Variants in SLC35D2 observed in about 807,000 individuals in gnomAD.
SLC35D2 encodes the protein solute carrier family 35 member D2.
SLC35D2 carries 43 observed loss-of-function variants against 41.8 expected under a neutral mutation model. That is an observed-to-expected ratio of 1.03 (90% CI 0.81 to 1.33). The LOEUF (loss-of-function observed/expected upper bound fraction) is 1.33. Ranked by LOEUF, SLC35D2 falls within the 40% of genes most tolerant of loss-of-function variation. The pLI is 0.00. For missense variants in SLC35D2, 380 were observed against 408.4 expected (o/e 0.93, Z 0.60); for synonymous variants, 150 against 163.9 (o/e 0.92, Z 0.65).
At chr9:96,322,180 T>C (rs1828269505) in intron 10 of SLC35D2, 100 bp from the exon 11 acceptor site, 1 of 756,516 alleles carries the variant, frequency 1.3e-6, no homozygotes, top group Non-Finnish European at 2.3e-6. Context: ...TTACTTTGCA[T>C]AGAGACTTGT....
intron 1 of SLC35D2, among the ~76,000 whole-genome samples, chr9:96,382,981 T>C (rs991063258): frequency 1.1e-4 from 16 of 151,828 alleles, no homozygotes; most frequent in African/African-American, 3.1e-4. Flanking sequence ...CAGCACAAAT[T>C]TGCGTTTACT....
At chr9:96,380,250 C>T (rs1001624304) in intron 1 of SLC35D2, among the ~76,000 whole-genome samples, 23 of 151,986 alleles carry the variant, frequency 1.5e-4, no homozygotes, top group African/African-American at 4.3e-4. Flanking sequence ...TGGTTAAACA[C>T]TGCCCTTCAT....
At chr9:96,323,560 A>C (rs1177815393) in intron 10 of SLC35D2, among the ~76,000 whole-genome samples, 1 of 152,002 alleles carries the variant, frequency 6.6e-6, no homozygotes, top group Non-Finnish European at 1.5e-5. Context: ...GCCACCCCCA[A>C]CTTAAAAGTT....
chr9:96,356,773 G>A (rs1564113030), intron 4 of SLC35D2, among the ~76,000 whole-genome samples: 1 of 150,786 alleles, frequency 6.6e-6, no homozygotes, highest in Non-Finnish European at 1.5e-5. Context: ...TACTTGGGAG[G>A]CTGAGGTGGG....
At chr9:96,318,345 C>A (rs1233609363), downstream of SLC35D2, among the ~76,000 whole-genome samples, 2 of 151,656 alleles carry the variant, frequency 1.3e-5, no homozygotes, top group African/African-American at 4.8e-5. Flanking sequence ...GTGGTCCCAG[C>A]TCCTCGGGAG....
chr9:96,357,188 AAAAT>A (rs1374354323), intron 4 of SLC35D2, among the ~76,000 whole-genome samples: 1 of 152,218 alleles, frequency 6.6e-6, no homozygotes, highest in Non-Finnish European at 1.5e-5. Flanking sequence ...CAAAAAATAA[AAAAT>A]AAATAAAGAT....
intron 8 of SLC35D2, among the ~76,000 whole-genome samples, chr9:96,342,179 C>T (rs1198563975): frequency 1.3e-5 from 2 of 151,830 alleles, no homozygotes; most frequent in African/African-American, 4.8e-5. Context: ...AGCGTGATCT[C>T]GGCTCACTGC....
chr9:96,340,644 A>C (rs925334885), intron 8 of SLC35D2, among the ~76,000 whole-genome samples: 8 of 150,654 alleles, frequency 5.3e-5, no homozygotes, highest in South Asian at 4.2e-4. Context: ...AAAAAAAAAA[A>C]AAAAAACTAG....
chr9:96,353,666 G>T (rs1482122826), intron 4 of SLC35D2, among the ~76,000 whole-genome samples: 1 of 152,156 alleles, frequency 6.6e-6, no homozygotes, highest in African/African-American at 2.4e-5. Flanking sequence ...ATTTAAAATT[G>T]TGTGTTAAAA....
chr9:96,379,831 A>T (rs1253856751), intron 1 of SLC35D2, among the ~76,000 whole-genome samples: 1 of 151,988 alleles, frequency 6.6e-6, no homozygotes, highest in African/African-American at 2.4e-5. Context: ...TGGCCTTCCT[A>T]TGGCAAGAAC....
chr9:96,321,251 C>G lies in SLC35D2; in HGVS notation c.1005G>C (p.Leu335Phe). ...PVGEENICLD[L>F]KS ...TCCTGCTGCAGACTCTTTAGCTCTT[C>G]AAATCCAAACAGATGTTTTCTTCAC... Residue 335 changes from leucine (L) to phenylalanine (F), a missense_variant, in exon 12 of 12, where the codon TTG (leucine) becomes TTC (phenylalanine). By Grantham distance (22) the Leu-to-Phe change is conservative. Transcript: ENST00000253270. 1 of 1,613,118 alleles carries G rather than the reference C, an allele frequency of 6.2e-7. No individual in the cohort carries two copies. The highest frequency in any genetic ancestry group is 8.5e-7 in the Non-Finnish European group (1 of 1,179,140).
chr9:96,363,854 G>A (rs573002654), intron 3 of SLC35D2, among the ~76,000 whole-genome samples: 1 of 152,298 alleles, frequency 6.6e-6, no homozygotes, highest in African/African-American at 2.4e-5. Context: ...ATAATTACAA[G>A]AGATGGTCTG....
chr9:96,369,011 C>T (rs35960821), intron 1 of SLC35D2, among the ~76,000 whole-genome samples: 3,864 of 152,176 alleles, frequency 0.025, 72 homozygotes, highest in Middle Eastern at 0.054. Flanking sequence ...ATGATCTGCC[C>T]GCCTTGGCCT....
chr9:96,381,508 A>G (rs914459913), intron 1 of SLC35D2, among the ~76,000 whole-genome samples: 1 of 152,020 alleles, frequency 6.6e-6, no homozygotes, highest in Admixed American at 6.6e-5. Flanking sequence ...CTTGGCTCCA[A>G]TGCCACCTCC....
intron 11 of SLC35D2, among the ~76,000 whole-genome samples, chr9:96,315,495 G>A (rs148078214): frequency 1.5e-3 from 227 of 149,622 alleles, no homozygotes; most frequent in African/African-American, 4.7e-3. Context: ...GTGCAGTGGC[G>A]CGATCTCAGC....
chr9:96,364,011 TAC>T (rs1243611375), intron 3 of SLC35D2, among the ~76,000 whole-genome samples: 4 of 152,304 alleles, frequency 2.6e-5, no homozygotes, highest in African/African-American at 4.8e-5. Flanking sequence ...CTAAATGATA[TAC>T]AGTCTTTATT....
chr9:96,347,089 T>C (rs1829613232), intron 6 of SLC35D2, among the ~76,000 whole-genome samples: 1 of 152,162 alleles, frequency 6.6e-6, no homozygotes, highest in Admixed American at 6.6e-5. Context: ...TGAGCCAAGA[T>C]CGTGCCTCCA....
intron 1 of SLC35D2, among the ~76,000 whole-genome samples, chr9:96,374,599 A>G (rs1830855777): frequency 6.6e-6 from 1 of 151,198 alleles, no homozygotes; most frequent in Admixed American, 6.6e-5. Context: ...CTTTGGGAGG[A>G]CGAGGCGGGT....
Position 96,360,262 on chromosome 9 carries a change from C to T in SLC35D2, c.280-41G>A, listed in dbSNP as rs201678121. Reference sequence around the variant, plus strand: ...AAAGAAGAAATATTTGGTTAGAACTCCAATAAGCATTTTCCTTCACATATA... The same window carrying T: ...AAAGAAGAAATATTTGGTTAGAACTTCAATAAGCATTTTCCTTCACATATA... On this transcript the variant is annotated intron_variant, in intron 3 of 11. Coordinates refer to ENST00000253270, the MANE Select transcript of SLC35D2 (RefSeq NM_007001.3). 53 of 1,444,952 alleles carry T rather than the reference C, an allele frequency of 3.7e-5. No individual in the cohort carries two copies. The East Asian group carries it at 1.2e-3, about 33-fold the overall frequency. The allele number at this position is 1,444,952 out of a possible 1,614,324, so 89.5% of individuals were successfully genotyped here.
Sources: gnomAD v4.1 joint callset for allele counts (sites outside exome capture counted in the v4.1 genomes callset) on GRCh38, gnomAD v4.1.1 for gene constraint, MANE v1.5 for transcripts, NCBI Gene and HGNC (gene_info 2026-07-23, HGNC 2026-07-21) for gene names.